Variants in ANKAR observed in about 807,000 individuals in gnomAD.
The protein encoded by ANKAR is ankyrin and armadillo repeat containing, also known as ankyrin and armadillo repeat-containing protein.
In ANKAR, 136 loss-of-function variants were observed where a neutral mutation model predicts 146.2. The ratio of observed to expected loss-of-function variants is 0.93; its 90% CI spans 0.81 to 1.07. The LOEUF (loss-of-function observed/expected upper bound fraction) is 1.07, where lower values mean the gene tolerates loss of function less well. ANKAR is among the 50% of genes least tolerant of loss of function. The pLI is 0.00. For missense variants in ANKAR, 1,567 were observed against 1,679.9 expected (o/e 0.93, Z 1.18); for synonymous variants, 500 against 575.8 (o/e 0.87, Z 1.88).
intron 2 of ANKAR, among the ~76,000 whole-genome samples, chr2:189,683,466 A>G (rs17271232): frequency 0.056 from 8,489 of 152,316 alleles, 339 homozygotes; most frequent in Middle Eastern, 0.11. Flanking sequence ...AGTCAGGTCA[A>G]GTCTGTGTGG....
intron 19 of ANKAR, among the ~76,000 whole-genome samples, chr2:189,740,822 T>C (rs1260258090): frequency 6.6e-6 from 1 of 152,024 alleles, no homozygotes; most frequent in East Asian, 1.9e-4. Flanking sequence ...GCCTCCCGAG[T>C]AGCTGGGATT....
chr2:189,682,486 A>G (rs1382480360), intron 2 of ANKAR, among the ~76,000 whole-genome samples: 1 of 152,116 alleles, frequency 6.6e-6, no homozygotes, highest in Non-Finnish European at 1.5e-5. Flanking sequence ...TCACGGTGGC[A>G]GTAGCAGGAA....
chr2:189,752,980 C>T, intron 18 of ANKAR: 2 of 1,604,422 alleles, frequency 1.2e-6, no homozygotes, highest in Middle Eastern at 1.7e-4. Flanking sequence ...CAGATGCAAC[C>T]TGAAGGAATT....
At chr2:189,707,960 G>A (rs1162783257) in intron 9 of ANKAR, among the ~76,000 whole-genome samples, 1 of 152,134 alleles carries the variant, frequency 6.6e-6, no homozygotes, top group Non-Finnish European at 1.5e-5. Flanking sequence ...TGCCCGTTAG[G>A]AGTGCTCTCC....
intron 8 of ANKAR, 138 bp from the exon 9 acceptor site, chr2:189,706,800 A>C (rs764758253): frequency 1.6e-6 from 1 of 628,568 alleles, no homozygotes; most frequent in Non-Finnish European, 2.7e-6. Context: ...TTACATGTAG[A>C]ATACGGAAGA....
chr2:189,679,546 T>C (rs987974651), intron 2 of ANKAR, among the ~76,000 whole-genome samples: 3 of 152,202 alleles, frequency 2.0e-5, no homozygotes, highest in Non-Finnish European at 2.9e-5. Flanking sequence ...GTTCCAGTTC[T>C]TAGGGGAAGT....
At chr2:189,732,075 T>C (rs1024090506) in intron 16 of ANKAR, among the ~76,000 whole-genome samples, 1 of 152,228 alleles carries the variant, frequency 6.6e-6, no homozygotes, top group Non-Finnish European at 1.5e-5. Context: ...TCAATGAGTT[T>C]TGAAACTTGT....
intron 7 of ANKAR, among the ~76,000 whole-genome samples, chr2:189,702,089 A>G (rs150144407): frequency 1.6e-3 from 248 of 152,172 alleles, no homozygotes; most frequent in Non-Finnish European, 2.4e-3. Flanking sequence ...AGGGGACTGG[A>G]GTTGGGCATT....
intron 2 of ANKAR, among the ~76,000 whole-genome samples, chr2:189,682,636 G>A (rs1413461824): frequency 6.6e-6 from 1 of 152,204 alleles, no homozygotes; most frequent in Non-Finnish European, 1.5e-5. Flanking sequence ...GAAGCATCAG[G>A]TCAGAGGACA....
At chr2:189,724,799 G>A (rs1488073599) in intron 12 of ANKAR, among the ~76,000 whole-genome samples, 2 of 151,974 alleles carry the variant, frequency 1.3e-5, no homozygotes, top group Admixed American at 1.3e-4. Flanking sequence ...CTACATGAAT[G>A]CACAAACACT....
chr2:189,681,889 T>C (rs2034747397), intron 2 of ANKAR, among the ~76,000 whole-genome samples: 1 of 152,228 alleles, frequency 6.6e-6, no homozygotes, highest in African/African-American at 2.4e-5. Context: ...GATTCTACTT[T>C]TAAAATATCT....
In ANKAR at chr2:189,705,268, G is replaced by C. The variant is rs763307911; in HGVS notation, c.1910+44G>C. On this transcript the variant is annotated intron_variant, in intron 8 of 22. Transcript: ENST00000684021. The stretch of plus-strand genomic sequence containing the variant: ...ATATCAGGTTGAGGTTGATGTCTAG[G>C]CAATAATAAAAAAAAAAGAAGAAAG... 2.8e-6 allele frequency: 4 copies of C among 1,438,818 alleles called. No individual in the cohort carries two copies. The African/African-American group carries it at 9.7e-5, about 35-fold the overall frequency. The allele number at this position is 1,438,818 out of a possible 1,614,324, so 89.1% of individuals were successfully genotyped here. A position where few individuals can be genotyped will look rare whatever the true frequency, so the allele number is the denominator to read the frequency against.
intron 10 of ANKAR, among the ~76,000 whole-genome samples, chr2:189,713,024 G>GTGA (rs759928267): frequency 1.3e-5 from 2 of 151,986 alleles, no homozygotes; most frequent in Non-Finnish European, 2.9e-5. Context: ...AAGGGTATCA[G>GTGA]TGATTGAAGA....
intron 2 of ANKAR, among the ~76,000 whole-genome samples, chr2:189,680,734 A>G (rs766002203): frequency 1.3e-5 from 2 of 152,038 alleles, no homozygotes; most frequent in African/African-American, 2.4e-5. Flanking sequence ...GTGTGTTTAT[A>G]TAGTTTTGCG....
At chr2:189,682,215 A>G (rs2034810235) in intron 2 of ANKAR, among the ~76,000 whole-genome samples, 1 of 152,132 alleles carries the variant, frequency 6.6e-6, no homozygotes, top group Non-Finnish European at 1.5e-5. Context: ...CTTGAGGCCA[A>G]GAGTTTGAGG....
At chr2:189,725,823 G>A (rs1478312947) in intron 12 of ANKAR, among the ~76,000 whole-genome samples, 1 of 152,120 alleles carries the variant, frequency 6.6e-6, no homozygotes, top group Non-Finnish European at 1.5e-5. Context: ...TGGGAGGATC[G>A]CTTGAGCCTG....
At chr2:189,687,040 T>G (rs908244370) in intron 2 of ANKAR, among the ~76,000 whole-genome samples, 10 of 152,178 alleles carry the variant, frequency 6.6e-5, no homozygotes, top group Non-Finnish European at 1.2e-4. Flanking sequence ...CACCTTGTTG[T>G]GTTGTCAAAT....
In ANKAR at chr2:189,711,084, A is replaced by T. The variant is rs1367344204; in HGVS notation, c.2155A>T (p.Met719Leu). ...LQCESYKRRM[M>L]AVMSLEVICL... ...GTGTGAAAGCTATAAACGAAGGATG[A>T]TGGCCGTCATGTCCTTGGAAGTAAT... The change falls in exon 10 of 23, where the codon ATG becomes TTG. Residue 719 changes from methionine to leucine, a missense_variant. Transcript: ENST00000684021. 1 of 1,614,110 alleles carries T rather than the reference A, an allele frequency of 6.2e-7. No homozygotes were observed. Among genetic ancestry groups the T allele is most frequent in the Non-Finnish European group, 8.5e-7 (1 of 1,179,996 alleles).
At chr2:189,688,949 G>A (rs945217255) in intron 2 of ANKAR, among the ~76,000 whole-genome samples, 8 of 152,006 alleles carry the variant, frequency 5.3e-5, no homozygotes, top group Admixed American at 3.9e-4. Flanking sequence ...CTAGTTAGGC[G>A]TAGGGGACAG....
Sources: allele counts gnomAD v4.1 joint callset (sites outside exome capture counted in the v4.1 genomes callset), GRCh38; gene constraint gnomAD v4.1.1; transcripts MANE v1.5; gene names NCBI Gene and HGNC (gene_info 2026-07-23, HGNC 2026-07-21).